Variants in COPS4 observed in about 807,000 individuals in gnomAD.
COPS4 encodes COP9 signalosome subunit 4.
Under a neutral mutation model 55.1 loss-of-function variants are expected in COPS4, and 8 were observed. The observed-to-expected ratio is 0.15, with a 90% CI of 0.09 to 0.26. The LOEUF is 0.26. Among genes scored for constraint, COPS4 ranks in the 10% least tolerant of loss-of-function variants. COPS4 has a pLI of 1.00. For synonymous variants in COPS4, 185 were observed against 165.7 expected (o/e 1.12, Z -0.90); for missense variants, 248 against 484.0 (o/e 0.51, Z 4.58).
chr4:83,035,188 C>G lies in COPS4; in HGVS notation c.-37C>G, dbSNP rs1356484682. 1 of 1,514,864 alleles carries G rather than the reference C, an allele frequency of 6.6e-7. No homozygotes were observed. Among genetic ancestry groups the G allele is most frequent in the Admixed American group, 1.8e-5 (1 of 56,624 alleles). 93.8% of individuals were successfully genotyped at this position (1,514,864 alleles called of 1,614,324 possible). ...CCACACTCGTTTTCTTTTTGGCTGC[C>G]AGAGGCCCCCGCATCCACCGCTGAG... is the stretch of plus-strand genomic sequence containing the variant. On this transcript the variant is annotated 5_prime_UTR_variant, in exon 1 of 10. Transcript: ENST00000264389.
At chr4:83,044,444 CAAAAA>C (rs35654094) in intron 1 of COPS4, among the ~76,000 whole-genome samples, 1 of 59,948 alleles carries the variant, frequency 1.7e-5, no homozygotes, top group Non-Finnish European at 3.2e-5. Flanking sequence ...GACTCCATCT[CAAAAA>C]AAAAAAAAAA....
intron 9 of COPS4, among the ~76,000 whole-genome samples, chr4:83,070,739 A>C (rs1731405025): frequency 6.6e-6 from 1 of 152,148 alleles, no homozygotes; most frequent in South Asian, 2.1e-4. Flanking sequence ...TCAGTTCCCT[A>C]GTACAGCTGG....
At chr4:83,039,618 T>C (rs1730508472) in intron 1 of COPS4, among the ~76,000 whole-genome samples, 1 of 152,172 alleles carries the variant, frequency 6.6e-6, no homozygotes, top group Admixed American at 6.6e-5. Flanking sequence ...AGTCTTGAGA[T>C]GTCTTCAGTT....
intron 4 of COPS4, among the ~76,000 whole-genome samples, chr4:83,054,822 C>A (rs1234324521): frequency 1.3e-5 from 2 of 152,100 alleles, no homozygotes; most frequent in South Asian, 2.1e-4. Context: ...CATTGGTTTT[C>A]TAAACGAGTT....
At chr4:83,053,814 T>G (rs1015460640) in intron 4 of COPS4, among the ~76,000 whole-genome samples, 2 of 104,872 alleles carry the variant, frequency 1.9e-5, no homozygotes. Flanking sequence ...CACTCCAGCC[T>G]GGGTGACAGA....
At chr4:83,075,065 C>T (rs913323387) in intron 9 of COPS4, among the ~76,000 whole-genome samples, 8 of 151,810 alleles carry the variant, frequency 5.3e-5, no homozygotes, top group Admixed American at 3.3e-4. Context: ...TGCAGTGAGC[C>T]GAGATCCTGC....
chr4:83,063,973 T>A (rs916726749), intron 7 of COPS4, among the ~76,000 whole-genome samples: 3 of 152,318 alleles, frequency 2.0e-5, no homozygotes, highest in Middle Eastern at 6.8e-3. Flanking sequence ...GTGATGAGAT[T>A]ACAGGCGTGA....
intron 2 of COPS4, among the ~76,000 whole-genome samples, chr4:83,046,729 A>G (rs1365975328): frequency 6.6e-6 from 1 of 152,230 alleles, no homozygotes; most frequent in Non-Finnish European, 1.5e-5. Context: ...GATATCTGAT[A>G]GTGCTTTACA....
At chr4:83,058,700 C>T (rs1025703465) in intron 6 of COPS4, among the ~76,000 whole-genome samples, 11 of 152,164 alleles carry the variant, frequency 7.2e-5, no homozygotes, top group Non-Finnish European at 1.3e-4. Flanking sequence ...TAACTGTATA[C>T]ATCATAGTGA....
In COPS4 at chr4:83,057,545, T is replaced by A. The variant is rs191676470; in HGVS notation, c.715+137T>A. 3.9e-4 allele frequency: 242 copies of A among 614,298 alleles called. 1 individual carries two copies. The African/African-American group carries it at 4.3e-3, about 11-fold the overall frequency. The allele number at this position is 614,298 out of a possible 1,614,324, so 38.1% of individuals were successfully genotyped here. A position where few individuals can be genotyped will look rare whatever the true frequency, so the allele number is the denominator to read the frequency against. On this transcript the variant is annotated intron_variant, in intron 6 of 9. Transcript: ENST00000264389. ...ATAATACAGTTATGGTAAATGTAGTTTAAGTGTTTAAAAACAGAAATAAAA... is the reference window on the plus strand; with the variant it reads ...ATAATACAGTTATGGTAAATGTAGTATAAGTGTTTAAAAACAGAAATAAAA...
intron 9 of COPS4, among the ~76,000 whole-genome samples, chr4:83,074,947 C>T (rs907453571): frequency 6.6e-6 from 1 of 151,640 alleles, no homozygotes; most frequent in Non-Finnish European, 1.5e-5. Context: ...GTGGTGAAAC[C>T]CCATCTCTAC....
chr4:83,075,031 C>T (rs1020605820), intron 9 of COPS4, among the ~76,000 whole-genome samples: 1 of 151,868 alleles, frequency 6.6e-6, no homozygotes, highest in African/African-American at 2.4e-5. Context: ...TCAGGAGAAT[C>T]GCTTGAACTC....
In COPS4 at chr4:83,041,896, G is replaced by A. The variant is rs913997603; in HGVS notation, c.75-3730G>A. On this transcript the variant is annotated intron_variant, in intron 1 of 9. Transcript: ENST00000264389. The stretch of plus-strand genomic sequence containing the variant: ...TTTTTTTTTTTTGAGATAGAATTTC[G>A]CTCTGTCACCCAGGCTGAAGTGCAG... Among the ~76,000 whole-genome samples, 23 of 145,030 alleles carry A rather than the reference G, an allele frequency of 1.6e-4. 1 individual carries two copies. Among genetic ancestry groups the A allele is most frequent in the African/African-American group, 5.4e-4 (21 of 39,138 alleles).
At chr4:83,072,497 T>C (rs1159122405) in intron 9 of COPS4, among the ~76,000 whole-genome samples, 5 of 152,252 alleles carry the variant, frequency 3.3e-5, no homozygotes, top group South Asian at 2.1e-4. Flanking sequence ...TTTTATTTTA[T>C]GGCTTTTGAA....
At chr4:83,037,685 G>A (rs893227241) in intron 1 of COPS4, among the ~76,000 whole-genome samples, 4 of 151,944 alleles carry the variant, frequency 2.6e-5, no homozygotes, top group Non-Finnish European at 4.4e-5. Context: ...TACTTTTAAT[G>A]AAGGTTTTTG....
chr4:83,068,683 C>T (rs1731347623), intron 9 of COPS4, among the ~76,000 whole-genome samples, 161 bp downstream of exon 9: 1 of 152,126 alleles, frequency 6.6e-6, no homozygotes, highest in Admixed American at 6.6e-5. Flanking sequence ...AAGTTATATT[C>T]ATGAGGCTGG....
chr4:83,048,228 A>C (rs1015520017), intron 2 of COPS4, among the ~76,000 whole-genome samples: 1 of 152,202 alleles, frequency 6.6e-6, no homozygotes, highest in Non-Finnish European at 1.5e-5. Context: ...AGCATAGAGA[A>C]GTTAAGTTTC....
intron 1 of COPS4, among the ~76,000 whole-genome samples, chr4:83,043,054 A>G (rs1481272110): frequency 4.6e-5 from 7 of 152,002 alleles, no homozygotes; most frequent in African/African-American, 1.7e-4. Flanking sequence ...CTGGCCCTCA[A>G]TTTATTCATT....
intron 9 of COPS4, among the ~76,000 whole-genome samples, chr4:83,070,108 C>T (rs1467405323): frequency 6.6e-6 from 1 of 152,214 alleles, no homozygotes; most frequent in Non-Finnish European, 1.5e-5. Flanking sequence ...CACAGCTTGA[C>T]TTTTGTCATC....
Sources: gnomAD v4.1 joint callset for allele counts (sites outside exome capture counted in the v4.1 genomes callset) on GRCh38, gnomAD v4.1.1 for gene constraint, MANE v1.5 for transcripts, NCBI Gene and HGNC (gene_info 2026-07-23, HGNC 2026-07-21) for gene names.